Variants in TBC1D5 observed in about 807,000 individuals in gnomAD.
TBC1D5 encodes TBC1 domain family member 5, also known as TBC1 domain family, member 5.
In TBC1D5, 75 loss-of-function variants were observed where a neutral mutation model predicts 100.3. The ratio of observed to expected loss-of-function variants is 0.75; its 90% CI spans 0.62 to 0.91. The LOEUF (loss-of-function observed/expected upper bound fraction) is 0.91, where lower values mean the gene tolerates loss of function less well. TBC1D5 is among the 40% of genes least tolerant of loss of function. The pLI is 0.00. For missense variants in TBC1D5, 910 were observed against 942.4 expected (o/e 0.97, Z 0.45); for synonymous variants, 323 against 325.6 (o/e 0.99, Z 0.09).
At chr3:17,262,789 A>AT (rs952510580) in intron 15 of TBC1D5, among the ~76,000 whole-genome samples, 20 of 149,630 alleles carry the variant, frequency 1.3e-4, no homozygotes, top group East Asian at 3.9e-4. Context: ...CCGACAATGT[A>AT]TTTTTTTTTT....
intron 2 of TBC1D5, among the ~76,000 whole-genome samples, chr3:17,611,952 G>A (rs956480054): frequency 6.6e-5 from 10 of 152,082 alleles, no homozygotes; most frequent in Non-Finnish European, 4.4e-5. Flanking sequence ...ACTCTATTCT[G>A]AATATTATTT....
At chr3:17,261,732 A>G (rs551342881) in intron 15 of TBC1D5, among the ~76,000 whole-genome samples, 41 of 152,256 alleles carry the variant, frequency 2.7e-4, no homozygotes, top group African/African-American at 9.6e-4. Context: ...CATGCTGCCC[A>G]GGCTGGTCTT....
In TBC1D5 at chr3:17,436,720, T is replaced by C. The variant is rs371795130; in HGVS notation, c.98-8201A>G. ...TTCATGAACTTAAGATATATAAATG[T>C]TTCTTGAAACTGATAAAAGATAAAA... On this transcript the variant is annotated intron_variant, in intron 3 of 21. Coordinates refer to ENST00000253692, the Ensembl canonical transcript of TBC1D5. 9.2e-5 allele frequency among the ~76,000 whole-genome samples: 14 copies of C among 152,290 alleles called. No individual in the cohort carries two copies. The East Asian group carries it at 1.5e-3, about 17-fold the overall frequency.
At chr3:17,637,135 C>A (rs975814792) in intron 1 of TBC1D5, among the ~76,000 whole-genome samples, 1 of 149,596 alleles carries the variant, frequency 6.7e-6, no homozygotes, top group Non-Finnish European at 1.5e-5. Context: ...AATTCTCCTG[C>A]CTCAGCCTCA....
At chr3:17,717,106 C>A (rs889864594) in intron 1 of TBC1D5, among the ~76,000 whole-genome samples, 1 of 151,918 alleles carries the variant, frequency 6.6e-6, no homozygotes, top group African/African-American at 2.4e-5. Flanking sequence ...AAAATTTTTC[C>A]AAGCCACCTA....
chr3:17,270,441 G>GA (rs536541190), intron 15 of TBC1D5, among the ~76,000 whole-genome samples: 51 of 152,164 alleles, frequency 3.4e-4, no homozygotes, highest in Middle Eastern at 3.2e-3. Context: ...AGTTAGCACA[G>GA]AAAGATTGAG....
At chr3:17,400,471 T>A (rs1039484298) in intron 8 of TBC1D5, among the ~76,000 whole-genome samples, 2 of 151,940 alleles carry the variant, frequency 1.3e-5, no homozygotes, top group African/African-American at 4.8e-5. Flanking sequence ...TGCCAGAAAA[T>A]TTATATAGAA....
intron 4 of TBC1D5, among the ~76,000 whole-genome samples, chr3:17,425,830 A>AC (rs143179119): frequency 0.091 from 13,842 of 152,178 alleles, 1,412 homozygotes; most frequent in African/African-American, 0.25. Flanking sequence ...TTACCCATTT[A>AC]ATGAAGTGAT....
At chr3:17,470,313 A>G (rs1463621673) in intron 3 of TBC1D5, among the ~76,000 whole-genome samples, 1 of 152,244 alleles carries the variant, frequency 6.6e-6, no homozygotes, top group Non-Finnish European at 1.5e-5. Context: ...CTATTTCTGC[A>G]TTCACCCAAT....
At chr3:17,564,072 G>T (rs537522318) in intron 2 of TBC1D5, among the ~76,000 whole-genome samples, 1 of 152,140 alleles carries the variant, frequency 6.6e-6, no homozygotes, top group Non-Finnish European at 1.5e-5. Flanking sequence ...ATGAGCCACC[G>T]TGCCCGGCCT....
At chr3:17,183,255 A>G (rs1327810807) in intron 19 of TBC1D5, among the ~76,000 whole-genome samples, 1 of 152,174 alleles carries the variant, frequency 6.6e-6, no homozygotes, top group East Asian at 1.9e-4. Context: ...TTTGCTGTTC[A>G]TGCCAAGTCC....
At chr3:17,300,328 T>G (rs1045049053) in intron 14 of TBC1D5, among the ~76,000 whole-genome samples, 1 of 152,234 alleles carries the variant, frequency 6.6e-6, no homozygotes, top group Non-Finnish European at 1.5e-5. Flanking sequence ...ATTTAAAATT[T>G]GTAATCACTG....
chr3:17,174,548 C>T (rs1269539131), intron 19 of TBC1D5, among the ~76,000 whole-genome samples: 2 of 152,024 alleles, frequency 1.3e-5, no homozygotes, highest in African/African-American at 2.4e-5. Context: ...TTTCAGATTA[C>T]CACTCCACAC....
chr3:17,386,440 A>G (rs1474508046), intron 8 of TBC1D5, among the ~76,000 whole-genome samples: 2 of 152,172 alleles, frequency 1.3e-5, no homozygotes, highest in Non-Finnish European at 2.9e-5. Context: ...ATACCTGTTA[A>G]GTCAACTTTA....
At chr3:17,504,005 G>C (rs571209113) in intron 3 of TBC1D5, among the ~76,000 whole-genome samples, 1 of 149,376 alleles carries the variant, frequency 6.7e-6, no homozygotes, top group East Asian at 1.9e-4. Context: ...AGGTCAAAGA[G>C]AACAGAGGAT....
In TBC1D5 at chr3:17,372,190, T is replaced by C. The variant is rs376409138; in HGVS notation, c.880A>G (p.Thr294Ala). ...TTGACTTTAGTAACAATAGCAATTG[T>C]TGGCCCTAAATCTTGTGGTCTAGCA... The change falls in exon 13 of 22, where the codon ACA becomes GCA. Residue 294 changes from threonine (T) to alanine (A), a missense_variant. Physicochemically the swap from Thr to Ala is moderately conservative, Grantham distance 58 (BLOSUM62 0). Transcript: ENST00000253692. The C allele has an allele frequency of 1.2e-5, 20 of 1,613,654 alleles. No homozygotes were observed. In the South Asian group the frequency reaches 1.8e-4, roughly 14 times the overall value.
At chr3:17,711,467 C>T (rs1372432701) in intron 1 of TBC1D5, among the ~76,000 whole-genome samples, 1 of 152,084 alleles carries the variant, frequency 6.6e-6, no homozygotes, top group Non-Finnish European at 1.5e-5. Flanking sequence ...TCTTCTGCCC[C>T]CCTCATACAT....
intron 19 of TBC1D5, among the ~76,000 whole-genome samples, chr3:17,183,708 T>C (rs1401047372): frequency 6.6e-6 from 1 of 152,194 alleles, no homozygotes; most frequent in Non-Finnish European, 1.5e-5. Flanking sequence ...GCCACTTAGA[T>C]CAGCATCTCT....
At chr3:17,294,859 C>CT (rs2082096511) in intron 14 of TBC1D5, among the ~76,000 whole-genome samples, 1 of 152,190 alleles carries the variant, frequency 6.6e-6, no homozygotes. Flanking sequence ...TTTTGAATAA[C>CT]TACAGCCAGT....
Sources: allele counts gnomAD v4.1 joint callset (sites outside exome capture counted in the v4.1 genomes callset), GRCh38; gene constraint gnomAD v4.1.1; transcripts MANE v1.5; gene names NCBI Gene and HGNC (gene_info 2026-07-23, HGNC 2026-07-21).